The following AFF3 variants were observed in gnomAD, a reference collection of about 807,000 sequenced individuals.
AFF3 encodes AF4/FMR2 family member 3.
In AFF3, 32 loss-of-function variants were observed where a neutral mutation model predicts 129.7. That is an observed-to-expected ratio of 0.25 (90% confidence interval 0.19 to 0.33). AFF3 has a LOEUF of 0.33. Among genes scored for constraint, AFF3 ranks in the 10% least tolerant of loss-of-function variants. The pLI, the probability that AFF3 is intolerant of heterozygous loss-of-function variation, is 1.00. For synonymous variants in AFF3, 644 were observed against 635.4 expected (o/e 1.01, Z -0.20); for missense variants, 1,373 against 1,592.0 (o/e 0.86, Z 2.34).
chr2:99,590,421 G>C lies in AFF3; in HGVS notation c.2466+2774C>G, dbSNP rs142171814. 9.2e-5 allele frequency among the ~76,000 whole-genome samples: 14 copies of C among 152,288 alleles called. No homozygotes were observed. In the East Asian group the frequency reaches 2.3e-3, roughly 25 times the overall value. On this transcript the variant is annotated intron_variant, in intron 15 of 24. Transcript: ENST00000672756. ...CAGCATCACAAATTCAAAGATTACAGGAAAAATTTTAAGATGGCAGCCACA... is the reference window on the plus strand; with the variant it reads ...CAGCATCACAAATTCAAAGATTACACGAAAAATTTTAAGATGGCAGCCACA...
chr2:99,679,525 T>A (rs937385956), intron 11 of AFF3, among the ~76,000 whole-genome samples: 1 of 152,198 alleles, frequency 6.6e-6, no homozygotes, highest in Non-Finnish European at 1.5e-5. Context: ...CCTGGTGAGA[T>A]GCTGGATGAT....
chr2:100,019,612 C>A (rs1683418986), intron 4 of AFF3, among the ~76,000 whole-genome samples: 3 of 152,176 alleles, frequency 2.0e-5, no homozygotes, highest in African/African-American at 7.2e-5. Context: ...AGCTGGAAGT[C>A]TCAGCGGGTC....
At chr2:99,842,576 C>T (rs1372603611) in intron 7 of AFF3, among the ~76,000 whole-genome samples, 2 of 152,220 alleles carry the variant, frequency 1.3e-5, no homozygotes, top group African/African-American at 4.8e-5. Context: ...AGTCTCACCT[C>T]ATTGAACCTC....
At chr2:99,623,614 T>C (rs1264541900) in intron 13 of AFF3, among the ~76,000 whole-genome samples, 3 of 152,216 alleles carry the variant, frequency 2.0e-5, no homozygotes, top group Non-Finnish European at 4.4e-5. Context: ...CCATGGGGAC[T>C]GCAACCTTTG....
At chr2:99,926,356 C>A (rs1366286397) in intron 7 of AFF3, among the ~76,000 whole-genome samples, 1 of 152,162 alleles carries the variant, frequency 6.6e-6, no homozygotes, top group African/African-American at 2.4e-5. Flanking sequence ...AAGCCCGGGG[C>A]CTGTTACCTC....
At chr2:100,058,335 G>A (rs913882852) in intron 4 of AFF3, among the ~76,000 whole-genome samples, 1 of 152,078 alleles carries the variant, frequency 6.6e-6, no homozygotes, top group African/African-American at 2.4e-5. Flanking sequence ...CATGCTACGT[G>A]TATTTTTTTA....
In AFF3 at chr2:99,550,752, T is replaced by G; in HGVS notation, c.*722A>C. ...ATCTCAGTGCCATTTGCATACTACT[T>G]GGAGGTGGGGCTGGGAAGGGCTGTG... is the stretch of plus-strand genomic sequence containing the variant. On this transcript the variant is annotated 3_prime_UTR_variant, in exon 25 of 25. Transcript: ENST00000672756. 4.3e-6 allele frequency: 1 copy of G among 233,310 alleles called. No individual in the cohort carries two copies. The highest frequency in any genetic ancestry group is 8.5e-6 in the Non-Finnish European group (1 of 118,144). The allele number at this position is 233,310 out of a possible 1,614,324, so 14.5% of individuals were successfully genotyped here. A position where few individuals can be genotyped will look rare whatever the true frequency, so the allele number is the denominator to read the frequency against.
At chr2:99,823,705 T>C (rs1419929055) in intron 8 of AFF3, among the ~76,000 whole-genome samples, 1 of 152,236 alleles carries the variant, frequency 6.6e-6, no homozygotes, top group Non-Finnish European at 1.5e-5. Flanking sequence ...TCAGTCTCCA[T>C]GCCCTTCAAC....
intron 7 of AFF3, among the ~76,000 whole-genome samples, chr2:99,861,449 C>T (rs529163794): frequency 1.1e-4 from 16 of 152,114 alleles, no homozygotes; most frequent in Non-Finnish European, 2.1e-4. Flanking sequence ...AGGGTAATAA[C>T]CTACCACACA....
At chr2:99,948,077 T>C (rs1675806543) in intron 7 of AFF3, among the ~76,000 whole-genome samples, 1 of 152,158 alleles carries the variant, frequency 6.6e-6, no homozygotes, top group African/African-American at 2.4e-5. Context: ...ACCAAGTTGC[T>C]TCTCCAGTCC....
chr2:100,043,609 T>A (rs1428850169), intron 4 of AFF3, among the ~76,000 whole-genome samples: 3 of 152,186 alleles, frequency 2.0e-5, no homozygotes, highest in Non-Finnish European at 2.9e-5. Context: ...AAAAAAAAAG[T>A]TTCATAATGC....
At chr2:99,920,925 A>C (rs1158336068) in intron 7 of AFF3, among the ~76,000 whole-genome samples, 1 of 152,118 alleles carries the variant, frequency 6.6e-6, no homozygotes, top group Non-Finnish European at 1.5e-5. Context: ...CTTGGGGATA[A>C]ATTTAACAAA....
chr2:99,997,599 A>C lies in AFF3; in HGVS notation c.873+9033T>G, dbSNP rs1317664949. ...TTTCATACCTACGTCAGATCATGAC[A>C]CTCCTCTGCTCCAAACCCTTCAATG... On this transcript the variant is annotated intron_variant, in intron 7 of 24. Transcript: ENST00000672756. 2.6e-5 allele frequency among the ~76,000 whole-genome samples: 4 copies of C among 151,682 alleles called. No individual in the cohort carries two copies. In the East Asian group the frequency reaches 7.7e-4, roughly 29 times the overall value.
chr2:99,710,665 A>T (rs539158514), intron 11 of AFF3, among the ~76,000 whole-genome samples: 1 of 152,284 alleles, frequency 6.6e-6, no homozygotes, highest in African/African-American at 2.4e-5. Context: ...TTTTTGACAC[A>T]AAAAGGTGAG....
In AFF3 at chr2:99,546,749, A is replaced by G. The variant is rs773645733; in HGVS notation, c.*4725T>C. On this transcript the variant is annotated 3_prime_UTR_variant, in exon 25 of 25. Coordinates refer to ENST00000672756, the MANE Select transcript of AFF3 (RefSeq NM_001386135.1). Reference sequence around the variant, plus strand: ...TTTTACTCAACCAAATATTGCAAACATGATTCCACCATGTTGGTTTCAGTT... The same window carrying G: ...TTTTACTCAACCAAATATTGCAAACGTGATTCCACCATGTTGGTTTCAGTT... 9 of 220,686 alleles carry G rather than the reference A, an allele frequency of 4.1e-5. No homozygotes were observed. The highest frequency in any genetic ancestry group is 7.3e-5 in the Non-Finnish European group (8 of 110,238). 13.7% of individuals were successfully genotyped at this position (220,686 alleles called of 1,614,324 possible). A position where few individuals can be genotyped will look rare whatever the true frequency, so the allele number is the denominator to read the frequency against.
chr2:99,943,615 A>G (rs541351137), intron 7 of AFF3, among the ~76,000 whole-genome samples: 6 of 152,270 alleles, frequency 3.9e-5, no homozygotes, highest in Admixed American at 3.3e-4. Flanking sequence ...GTTTTTCCCT[A>G]TTTTAACAAA....
At chr2:99,935,219 T>C (rs1231776118) in intron 7 of AFF3, among the ~76,000 whole-genome samples, 1 of 152,190 alleles carries the variant, frequency 6.6e-6, no homozygotes, top group Non-Finnish European at 1.5e-5. Flanking sequence ...ATGGTATTCA[T>C]GGCGGGGCAG....
chr2:99,797,522 A>T (rs900846827), intron 8 of AFF3, among the ~76,000 whole-genome samples: 2 of 152,142 alleles, frequency 1.3e-5, no homozygotes, highest in African/African-American at 2.4e-5. Context: ...TAAATAATGA[A>T]GGAACAAAAC....
chr2:99,976,432 T>A (rs888091405), intron 7 of AFF3, among the ~76,000 whole-genome samples: 75 of 152,310 alleles, frequency 4.9e-4, no homozygotes, highest in Non-Finnish European at 2.6e-4. Flanking sequence ...CATATGCTCC[T>A]AGGAAAAAGG....
Sources: allele counts gnomAD v4.1 joint callset (sites outside exome capture counted in the v4.1 genomes callset), GRCh38; gene constraint gnomAD v4.1.1; transcripts MANE v1.5; gene names NCBI Gene and HGNC (gene_info 2026-07-23, HGNC 2026-07-21).